FRAS1: variants seen among roughly 807,000 people sequenced by gnomAD.
FRAS1 encodes the protein Fraser extracellular matrix complex subunit 1.
FRAS1 carries 290 observed loss-of-function variants against 435.2 expected under a neutral mutation model. That is an observed-to-expected ratio of 0.67 (90% CI 0.61 to 0.73). FRAS1 has a LOEUF of 0.73. FRAS1 is among the 30% of genes least tolerant of loss of function. FRAS1 has a pLI of 0.00. For missense variants in FRAS1, 4,860 were observed against 5,001.5 expected (o/e 0.97, Z 0.85); for synonymous variants, 1,800 against 1,851.0 (o/e 0.97, Z 0.71).
At chr4:78,256,172 A>C (rs548930213) in intron 6 of FRAS1, among the ~76,000 whole-genome samples, 1 of 152,352 alleles carries the variant, frequency 6.6e-6, no homozygotes, top group East Asian at 1.9e-4. Context: ...CAATTGGGCA[A>C]TATTTTTAAA....
rs1719615000 is a variant in FRAS1 at position 78,130,180 on chromosome 4, TG to T, written c.108+64165del. ...TGACTGCATGTAATGCTGGTTTTTT[TG>T]TTTCTGTTTCTGTCATACCTTCCGG... On this transcript the variant is annotated intron_variant, in intron 2 of 73. Coordinates refer to ENST00000512123, the MANE Select transcript of FRAS1 (RefSeq NM_025074.7). 2.0e-5 allele frequency among the ~76,000 whole-genome samples: 3 copies of T among 152,316 alleles called. No homozygotes were observed. In the South Asian group the frequency reaches 6.2e-4, roughly 32 times the overall value.
At chr4:78,097,715 G>T (rs952689906) in intron 2 of FRAS1, among the ~76,000 whole-genome samples, 2 of 152,186 alleles carry the variant, frequency 1.3e-5, no homozygotes, top group African/African-American at 2.4e-5. Context: ...TCCACTGGGT[G>T]CCTCCCACAA....
intron 35 of FRAS1, among the ~76,000 whole-genome samples, chr4:78,426,895 T>C (rs1437165595): frequency 6.6e-6 from 1 of 152,210 alleles, no homozygotes; most frequent in Non-Finnish European, 1.5e-5. Flanking sequence ...TTCCACTTAC[T>C]TACAGAGTCA....
intron 20 of FRAS1, among the ~76,000 whole-genome samples, chr4:78,357,028 A>G (rs1025554873): frequency 2.0e-5 from 3 of 152,100 alleles, no homozygotes; most frequent in Non-Finnish European, 4.4e-5. Context: ...AGATCCAGCC[A>G]TGTTGAACTT....
At position 78,063,872 on chromosome 4, in the gene FRAS1, A is replaced by G. The variant is rs553363528; in HGVS notation, c.77-2113A>G. ...CTAAAAGTTAAGTTTTGTTTAATCT[A>G]AAGTTTAAATTTTGTTAAATTGTAC... On this transcript the variant is annotated intron_variant, in intron 1 of 73. Transcript: ENST00000512123. 2.0e-5 allele frequency among the ~76,000 whole-genome samples: 3 copies of G among 152,318 alleles called. No homozygotes were observed. The South Asian group carries it at 6.2e-4, about 32-fold the overall frequency.
At chr4:78,368,567 T>G (rs1028471193) in intron 22 of FRAS1, among the ~76,000 whole-genome samples, 2 of 152,194 alleles carry the variant, frequency 1.3e-5, no homozygotes, top group African/African-American at 2.4e-5. Context: ...GATAACCAGC[T>G]AGGTGCTGAC....
chr4:78,438,186 C>A (rs1380366991), intron 38 of FRAS1, among the ~76,000 whole-genome samples: 1 of 152,050 alleles, frequency 6.6e-6, no homozygotes, highest in Non-Finnish European at 1.5e-5. Context: ...TAGAAAAATC[C>A]TACATCTGTG....
At chr4:78,305,929 C>G (rs959137877) in intron 14 of FRAS1, among the ~76,000 whole-genome samples, 1 of 151,360 alleles carries the variant, frequency 6.6e-6, no homozygotes, top group Middle Eastern at 3.4e-3. Flanking sequence ...TTATTTTGCT[C>G]ATTAGTTGAT....
At chr4:78,311,001 G>A (rs375685553) in intron 15 of FRAS1, among the ~76,000 whole-genome samples, 11 of 152,258 alleles carry the variant, frequency 7.2e-5, no homozygotes, top group East Asian at 1.9e-4. Context: ...CGTGTATTGC[G>A]TTCAACAAAT....
At chr4:78,212,627 T>G (rs148004715) in intron 2 of FRAS1, among the ~76,000 whole-genome samples, 1 of 152,344 alleles carries the variant, frequency 6.6e-6, no homozygotes, top group East Asian at 1.9e-4. Flanking sequence ...GTTCATACCT[T>G]TTACTATACC....
At chr4:78,181,817 T>C in intron 2 of FRAS1, 1 of 1,612,122 alleles carries the variant, frequency 6.2e-7, no homozygotes, top group Non-Finnish European at 8.5e-7. Flanking sequence ...GTTCTTGCGG[T>C]CTTTCTGGGA....
chr4:78,259,000 T>C (rs1725938939), intron 6 of FRAS1, among the ~76,000 whole-genome samples: 1 of 136,928 alleles, frequency 7.3e-6, no homozygotes, highest in African/African-American at 2.7e-5. Context: ...AATGATGATT[T>C]CCAATTTCAT....
At chr4:78,306,209 G>T (rs186845541) in intron 14 of FRAS1, among the ~76,000 whole-genome samples, 2 of 152,022 alleles carry the variant, frequency 1.3e-5, no homozygotes, top group East Asian at 3.9e-4. Flanking sequence ...CTTCTGGCTT[G>T]TAGAGTTTCG....
At chr4:78,453,349 G>T (rs982133270) in intron 47 of FRAS1, among the ~76,000 whole-genome samples, 10 of 152,158 alleles carry the variant, frequency 6.6e-5, no homozygotes, top group African/African-American at 2.4e-4. Flanking sequence ...AGAATAGTAA[G>T]ATGAGAATAA....
At chr4:78,413,486 C>A (rs1733431600) in intron 32 of FRAS1, among the ~76,000 whole-genome samples, 2 of 152,178 alleles carry the variant, frequency 1.3e-5, no homozygotes, top group South Asian at 2.1e-4. Flanking sequence ...CTATGAGAAG[C>A]TTTCCACTGT....
At chr4:78,375,996 A>T in intron 26 of FRAS1, 117 bp downstream of exon 26, 1 of 1,208,562 alleles carries the variant, frequency 8.3e-7, no homozygotes, top group South Asian at 1.3e-5. Flanking sequence ...CCAATTTGGG[A>T]AAACCCATGG....
At chr4:78,444,761 A>G (rs550766711) in intron 41 of FRAS1, among the ~76,000 whole-genome samples, 2 of 152,308 alleles carry the variant, frequency 1.3e-5, no homozygotes, top group Admixed American at 6.5e-5. Context: ...TGAGAGGAGT[A>G]ATCTGAGCCA....
intron 47 of FRAS1, among the ~76,000 whole-genome samples, chr4:78,452,967 G>A (rs1719071887): frequency 1.3e-5 from 2 of 152,222 alleles, no homozygotes; most frequent in South Asian, 4.1e-4. Flanking sequence ...GCATTTAAGA[G>A]TGCCCTTGGA....
At chr4:78,126,345 C>T (rs912864814) in intron 2 of FRAS1, among the ~76,000 whole-genome samples, 4 of 152,194 alleles carry the variant, frequency 2.6e-5, no homozygotes, top group African/African-American at 9.6e-5. Flanking sequence ...TCCCCTGACC[C>T]CTTGCAGTTC....
Sources: allele counts gnomAD v4.1 joint callset (sites outside exome capture counted in the v4.1 genomes callset), GRCh38; gene constraint gnomAD v4.1.1; transcripts MANE v1.5; gene names NCBI Gene and HGNC (gene_info 2026-07-23, HGNC 2026-07-21).